Variants in KIAA1328 observed in about 807,000 individuals in gnomAD.
KIAA1328 encodes the protein KIAA1328, also known as protein hinderin.
A neutral mutation model predicts 68.1 loss-of-function variants in KIAA1328; 52 were observed. That is an observed-to-expected ratio of 0.76 (90% CI 0.61 to 0.96). The LOEUF (loss-of-function observed/expected upper bound fraction) is 0.96. Among genes scored for constraint, KIAA1328 ranks in the 40% least tolerant of loss-of-function variants. The pLI, the probability that KIAA1328 is intolerant of heterozygous loss-of-function variation, is 0.00. For synonymous variants in KIAA1328, 232 were observed against 239.4 expected (o/e 0.97, Z 0.28); for missense variants, 641 against 677.6 (o/e 0.95, Z 0.60).
chr18:36,898,677 G>A (rs994193383), intron 5 of KIAA1328, among the ~76,000 whole-genome samples: 23 of 151,950 alleles, frequency 1.5e-4, no homozygotes, highest in African/African-American at 5.6e-4. Context: ...GCAGATTATA[G>A]GGAGCCACAC....
chr18:37,007,881 G>T (rs1042123513), intron 6 of KIAA1328, among the ~76,000 whole-genome samples: 1 of 152,208 alleles, frequency 6.6e-6, no homozygotes, highest in African/African-American at 2.4e-5. Context: ...GTGGTGAGGA[G>T]TCAAAACTTA....
intron 5 of KIAA1328, among the ~76,000 whole-genome samples, chr18:36,897,950 A>C (rs928681619): frequency 6.6e-6 from 1 of 152,100 alleles, no homozygotes; most frequent in African/African-American, 2.4e-5. Context: ...GTTAATTACA[A>C]ATTGATGTCT....
At chr18:36,868,723 C>T (rs1199187825) in intron 4 of KIAA1328, among the ~76,000 whole-genome samples, 1 of 152,184 alleles carries the variant, frequency 6.6e-6, no homozygotes, top group Non-Finnish European at 1.5e-5. Context: ...TAAGCCCATA[C>T]TGTCAAGTAT....
At chr18:37,060,145 C>T (rs2056090942) in intron 6 of KIAA1328, among the ~76,000 whole-genome samples, 1 of 151,684 alleles carries the variant, frequency 6.6e-6, no homozygotes, top group Non-Finnish European at 1.5e-5. Context: ...TATCCCAGAA[C>T]TTAAAGTATA....
In KIAA1328 at chr18:37,210,145, G is replaced by C. The variant is rs545763390; in HGVS notation, c.1524-11872G>C. Among the ~76,000 whole-genome samples the C allele has an allele frequency of 4.3e-4, 66 of 152,318 alleles. 1 individual carries two copies. Among genetic ancestry groups the C allele is most frequent in the African/African-American group, 1.6e-3 (66 of 41,582 alleles). On this transcript the variant is annotated intron_variant, in intron 9 of 9. Coordinates refer to ENST00000280020, the MANE Select transcript of KIAA1328 (RefSeq NM_020776.3). The stretch of plus-strand genomic sequence containing the variant: ...AGTCCATGGATGGACCCTGAAATCA[G>C]TTTGTTTCTAGGCCATGTGCTAATG...
chr18:36,978,568 C>A (rs112707461), intron 6 of KIAA1328, among the ~76,000 whole-genome samples: 7 of 152,206 alleles, frequency 4.6e-5, no homozygotes, highest in African/African-American at 1.7e-4. Flanking sequence ...GAACTTTTAA[C>A]ACATTTTTAA....
intron 7 of KIAA1328, among the ~76,000 whole-genome samples, chr18:37,124,901 A>G (rs1342862345): frequency 1.3e-5 from 2 of 152,234 alleles, no homozygotes; most frequent in African/African-American, 4.8e-5. Context: ...CTCATTCTTC[A>G]TATTGACAAA....
At chr18:36,888,766 A>G (rs2048583696) in intron 5 of KIAA1328, among the ~76,000 whole-genome samples, 1 of 152,164 alleles carries the variant, frequency 6.6e-6, no homozygotes, top group Non-Finnish European at 1.5e-5. Flanking sequence ...TAAAACTTAG[A>G]AACATAAAAC....
intron 8 of KIAA1328, among the ~76,000 whole-genome samples, chr18:37,169,603 T>C (rs1446530523): frequency 6.6e-6 from 1 of 152,210 alleles, no homozygotes; most frequent in Non-Finnish European, 1.5e-5. Flanking sequence ...GTATACTTAA[T>C]ATTAAATAAA....
chr18:37,194,441 C>T (rs2059965334), intron 9 of KIAA1328, among the ~76,000 whole-genome samples: 1 of 152,098 alleles, frequency 6.6e-6, no homozygotes, highest in Non-Finnish European at 1.5e-5. Context: ...TTTATAGGTG[C>T]TTGTTACATA....
At chr18:36,858,092 A>C (rs952128719) in intron 4 of KIAA1328, among the ~76,000 whole-genome samples, 93 of 152,296 alleles carry the variant, frequency 6.1e-4, no homozygotes, top group African/African-American at 1.9e-3. Flanking sequence ...ATTACCAAAA[A>C]AGGAATGCCA....
intron 9 of KIAA1328, among the ~76,000 whole-genome samples, chr18:37,177,542 G>A (rs1360311939): frequency 2.0e-5 from 3 of 152,096 alleles, no homozygotes; most frequent in African/African-American, 4.8e-5. Context: ...ACCAAATCAC[G>A]CCCAACTAGT....
At chr18:36,884,228 A>G (rs1418493956) in intron 4 of KIAA1328, among the ~76,000 whole-genome samples, 3 of 152,112 alleles carry the variant, frequency 2.0e-5, no homozygotes, top group African/African-American at 7.2e-5. Flanking sequence ...CAGAGTATAA[A>G]TTCTCTTCAT....
chr18:37,081,039 G>A (rs905048676), intron 7 of KIAA1328, among the ~76,000 whole-genome samples: 3 of 151,834 alleles, frequency 2.0e-5, no homozygotes, highest in Non-Finnish European at 2.9e-5. Flanking sequence ...GGAGTGCAGT[G>A]GCGTGATCTC....
intron 4 of KIAA1328, among the ~76,000 whole-genome samples, chr18:36,868,870 T>C (rs537896599): frequency 6.6e-6 from 1 of 152,280 alleles, no homozygotes; most frequent in South Asian, 2.1e-4. Context: ...AAATAGAAAG[T>C]GTAGCACCAT....
intron 6 of KIAA1328, among the ~76,000 whole-genome samples, chr18:37,027,571 A>ACAG (rs1468614188): frequency 6.6e-6 from 1 of 152,222 alleles, no homozygotes; most frequent in Non-Finnish European, 1.5e-5. Flanking sequence ...CCACATATCT[A>ACAG]CAGCCATCTG....
chr18:36,946,910 C>G (rs1401791957), intron 5 of KIAA1328, among the ~76,000 whole-genome samples: 1 of 152,096 alleles, frequency 6.6e-6, no homozygotes, highest in Admixed American at 6.5e-5. Flanking sequence ...AAAATGATAG[C>G]ACTGGAAGAT....
In KIAA1328 at chr18:37,094,103, T is replaced by A. The variant is rs117561646; in HGVS notation, c.1232+26558T>A. Among the ~76,000 whole-genome samples, 211 of 152,282 alleles carry A rather than the reference T, an allele frequency of 1.4e-3. 2 individuals are homozygous for A. The East Asian group carries it at 0.034, about 24-fold the overall frequency. On this transcript the variant is annotated intron_variant, in intron 7 of 9. Coordinates refer to ENST00000280020, the MANE Select transcript of KIAA1328 (RefSeq NM_020776.3). ...TCATCAGGCATTAGACAGGTTCTCA[T>A]AAGGAGCATGCAACCTACATCCCTT...
chr18:36,908,822 T>C lies in KIAA1328; in HGVS notation c.448+23150T>C, dbSNP rs1042461376. ...AAATTGTGAATTATTTACAATAAATTATGTTAATTGAGCAGTTCTCCCCCT... is the reference window on the plus strand; with the variant it reads ...AAATTGTGAATTATTTACAATAAATCATGTTAATTGAGCAGTTCTCCCCCT... On this transcript the variant is annotated intron_variant, in intron 5 of 9. Coordinates refer to ENST00000280020, the MANE Select transcript of KIAA1328 (RefSeq NM_020776.3). Among the ~76,000 whole-genome samples, 48 of 152,268 alleles carry C rather than the reference T, an allele frequency of 3.2e-4. 1 individual carries two copies. Among genetic ancestry groups the C allele is most frequent in the African/African-American group, 1.1e-3 (47 of 41,564 alleles).
Sources: allele counts gnomAD v4.1 joint callset (sites outside exome capture counted in the v4.1 genomes callset), GRCh38; gene constraint gnomAD v4.1.1; transcripts MANE v1.5; gene names NCBI Gene and HGNC (gene_info 2026-07-23, HGNC 2026-07-21).